Variants in ETV6 observed in about 807,000 individuals in gnomAD.
ETV6 encodes transcription factor ETV6.
ETV6 carries 16 observed loss-of-function variants against 51.1 expected under a neutral mutation model. The ratio of observed to expected loss-of-function variants is 0.31; its 90% CI spans 0.21 to 0.48. The LOEUF is 0.48. Ranked by LOEUF, ETV6 falls within the 20% of genes least tolerant of loss-of-function variation. ETV6 has a pLI of 0.99. For missense variants in ETV6, 458 were observed against 594.8 expected (o/e 0.77, Z 2.39); for synonymous variants, 240 against 224.1 (o/e 1.07, Z -0.64).
At chr12:11,809,040 C>CT (rs1212073472) in intron 2 of ETV6, among the ~76,000 whole-genome samples, 4 of 152,050 alleles carry the variant, frequency 2.6e-5, no homozygotes, top group Non-Finnish European at 4.4e-5. Flanking sequence ...TGGCACGCGC[C>CT]TGTAGTCCCA....
Position 11,778,586 on chromosome 12 carries a change from C to T in ETV6, c.163+26007C>T, listed in dbSNP as rs749254117. On this transcript the variant is annotated intron_variant, in intron 2 of 7. Coordinates refer to ENST00000396373, the MANE Select transcript of ETV6 (RefSeq NM_001987.5). ...TATGTGGATGTCCTGCTGCCTTTTCCTTGTGGAGGGTAGATCATTCCCAAC... is the reference window on the plus strand; with the variant it reads ...TATGTGGATGTCCTGCTGCCTTTTCTTTGTGGAGGGTAGATCATTCCCAAC... Among the ~76,000 whole-genome samples the T allele has an allele frequency of 5.9e-5, 9 of 152,290 alleles. No individual in the cohort carries two copies. In the South Asian group the frequency reaches 1.0e-3, roughly 18 times the overall value.
Position 11,888,394 on chromosome 12 carries a change from TTTTC to T in ETV6, c.1253+2372_1253+2375del, listed in dbSNP as rs779637912. Among the ~76,000 whole-genome samples the T allele has an allele frequency of 2.8e-3, 117 of 41,534 alleles. 1 individual carries two copies. Among genetic ancestry groups the T allele is most frequent in the Middle Eastern group, 0.017 (1 of 60 alleles). The allele number at this position is 41,534 out of a possible 152,430, so 27.2% of individuals were successfully genotyped here. A position where few individuals can be genotyped will look rare whatever the true frequency, so the allele number is the denominator to read the frequency against. On this transcript the variant is annotated intron_variant, in intron 7 of 7. Transcript: ENST00000396373. ...ACAATTTGCTTTTTCTTTTCTTTTC[TTTTC>T]TTTTTTTTTTTTTTTTAGACAGAGC...
At chr12:11,889,094 G>A (rs1216878697) in intron 7 of ETV6, among the ~76,000 whole-genome samples, 4 of 151,974 alleles carry the variant, frequency 2.6e-5, no homozygotes, top group African/African-American at 4.8e-5. Context: ...TGGGAAAGTC[G>A]TCAAAAGAAG....
chr12:11,880,059 A>T (rs970397245), intron 5 of ETV6, among the ~76,000 whole-genome samples: 5 of 151,932 alleles, frequency 3.3e-5, no homozygotes, highest in Non-Finnish European at 7.4e-5. Context: ...AAAGGAAAAA[A>T]AATCTATTGT....
chr12:11,874,559 TATGTGCGTGTGTACAC>T (rs1182130061), intron 5 of ETV6, among the ~76,000 whole-genome samples: 5 of 1,896 alleles, frequency 2.6e-3, no homozygotes, highest in African/African-American at 3.9e-3. Flanking sequence ...CATATATGTG[TATGTGCGTGTGTACAC>T]ATATATGTGT....
rs141686061 is a variant in ETV6, at chr12:11,778,881, C to T, written c.163+26302C>T. On this transcript the variant is annotated intron_variant, in intron 2 of 7. Transcript: ENST00000396373. The stretch of plus-strand genomic sequence containing the variant: ...TTATTCGTTTGTAAAACTGATTGCT[C>T]AAGTGATACAGCCCTAGGGCTGCCC... Among the ~76,000 whole-genome samples the T allele has an allele frequency of 1.8e-3, 281 of 152,340 alleles. 2 individuals carry two copies. The highest frequency in any genetic ancestry group is 3.4e-3 in the Middle Eastern group (1 of 294).
chr12:11,780,996 G>A (rs540678223), intron 2 of ETV6, among the ~76,000 whole-genome samples: 4 of 152,316 alleles, frequency 2.6e-5, no homozygotes, highest in African/African-American at 9.6e-5. Context: ...ACAGGTACAA[G>A]ATGTTAGCAA....
chr12:11,729,407 A>G (rs768630711), intron 1 of ETV6, among the ~76,000 whole-genome samples: 15 of 152,170 alleles, frequency 9.9e-5, no homozygotes, highest in Non-Finnish European at 2.2e-4. Flanking sequence ...CCAGGCAGCC[A>G]TGTGGGATCA....
At chr12:11,677,904 C>T (rs1199218988) in intron 1 of ETV6, among the ~76,000 whole-genome samples, 1 of 152,224 alleles carries the variant, frequency 6.6e-6, no homozygotes, top group African/African-American at 2.4e-5. Context: ...GGAGCGCCTC[C>T]CAGCGTCCTC....
At chr12:11,750,850 T>C in intron 1 of ETV6, 1 of 469,484 alleles carries the variant, frequency 2.1e-6, no homozygotes, top group South Asian at 1.5e-5. Context: ...CACCAAAAAG[T>C]ATAACCCATC....
At chr12:11,720,140 A>G (rs1865355223) in intron 1 of ETV6, among the ~76,000 whole-genome samples, 1 of 152,204 alleles carries the variant, frequency 6.6e-6, no homozygotes, top group African/African-American at 2.4e-5. Context: ...AAGAGTTGAT[A>G]TCTGAAGATA....
At chr12:11,770,721 G>T (rs1945231282) in intron 2 of ETV6, among the ~76,000 whole-genome samples, 1 of 152,078 alleles carries the variant, frequency 6.6e-6, no homozygotes, top group Non-Finnish European at 1.5e-5. Flanking sequence ...ATGCCTTTTT[G>T]ACTTCCGTGA....
intron 4 of ETV6, among the ~76,000 whole-genome samples, chr12:11,859,941 T>C (rs1946690500): frequency 6.6e-6 from 1 of 152,170 alleles, no homozygotes; most frequent in African/African-American, 2.4e-5. Context: ...TTCATAATAT[T>C]AAAAACTCAT....
intron 1 of ETV6, among the ~76,000 whole-genome samples, chr12:11,663,549 G>A (rs951810338): frequency 6.6e-6 from 1 of 152,190 alleles, no homozygotes; most frequent in Non-Finnish European, 1.5e-5. Context: ...CAGCCTTGTT[G>A]TGGCGAAGAA....
Position 11,869,876 on chromosome 12 carries a change from C to T in ETV6, c.916C>T (p.Leu306Phe). Residue 306 changes from leucine to phenylalanine, a missense_variant, in exon 5 of 8, where the codon CTC (leucine) becomes TTC (phenylalanine). Physicochemically the swap from Leu to Phe is conservative, Grantham distance 22. Transcript: ENST00000396373. The surrounding 1 kb of genome is among the most constrained non-coding windows in gnomAD (Gnocchi z 5.0). ...GLHREGKPIN[L>F]SHREDLAYMN... ...GCATAGGGAAGGGAAGCCCATCAAC[C>T]TCTCTCATCGGGAAGACCTGGCTTA... 2 of 1,613,054 alleles carry T rather than the reference C, an allele frequency of 1.2e-6. No homozygotes were observed. The highest frequency in any genetic ancestry group is 1.7e-6 in the Non-Finnish European group (2 of 1,180,034).
At chr12:11,774,926 G>A (rs947991447) in intron 2 of ETV6, among the ~76,000 whole-genome samples, 130 of 152,302 alleles carry the variant, frequency 8.5e-4, no homozygotes, top group African/African-American at 3.1e-3. Context: ...GCAGGACAAG[G>A]GGATCAGACC....
At chr12:11,776,063 G>A (rs1027400658) in intron 2 of ETV6, among the ~76,000 whole-genome samples, 3 of 152,192 alleles carry the variant, frequency 2.0e-5, no homozygotes, top group Non-Finnish European at 2.9e-5. Context: ...CCCCGGATTT[G>A]TAAGAGTCAC....
intron 7 of ETV6, among the ~76,000 whole-genome samples, chr12:11,889,159 G>A (rs901160470): frequency 3.9e-5 from 6 of 152,068 alleles, no homozygotes; most frequent in African/African-American, 1.4e-4. Context: ...GGCTTAGAGG[G>A]GCTCTTTATT....
rs140030951 is a variant in ETV6, at chr12:11,823,709, G to A, written c.164-15431G>A. ...TCTCAGACCCCTGACCTTGTGATCC[G>A]CCTGCCTCGGCCTCCCAAAATGCGG... On this transcript the variant is annotated intron_variant, in intron 2 of 7. Coordinates refer to ENST00000396373, the MANE Select transcript of ETV6 (RefSeq NM_001987.5). Among the ~76,000 whole-genome samples, 5 of 152,110 alleles carry A rather than the reference G, an allele frequency of 3.3e-5. No individual in the cohort carries two copies. The South Asian group carries it at 8.3e-4, about 25-fold the overall frequency.
Sources: gnomAD v4.1 joint callset for allele counts (sites outside exome capture counted in the v4.1 genomes callset) on GRCh38, gnomAD v4.1.1 for gene constraint, Gnocchi (gnomAD v3.1) non-coding constraint, MANE v1.5 for transcripts, NCBI Gene and HGNC (gene_info 2026-07-23, HGNC 2026-07-21) for gene names.